Variants in COPG2 observed in about 807,000 individuals in gnomAD.
COPG2 encodes coatomer subunit gamma-2.
COPG2 carries 37 observed loss-of-function variants against 46.3 expected under a neutral mutation model. The ratio of observed to expected loss-of-function variants is 0.80; its 90% confidence interval spans 0.61 to 1.05. The LOEUF (loss-of-function observed/expected upper bound fraction) is 1.05. Among genes scored for constraint, COPG2 ranks in the 50% least tolerant of loss-of-function variants. COPG2 has a pLI of 0.00. For synonymous variants in COPG2, 159 were observed against 129.7 expected (o/e 1.23, Z -1.53); for missense variants, 427 against 387.8 (o/e 1.10, Z -0.85).
chr7:130,638,804 G>C (rs1795400374), intron 5 of COPG2, among the ~76,000 whole-genome samples: 1 of 152,118 alleles, frequency 6.6e-6, no homozygotes, highest in Admixed American at 6.5e-5. Context: ...AGCTAGCTCG[G>C]TGTCTGCCCA....
At chr7:130,646,262 T>C (rs1795592552) in intron 5 of COPG2, among the ~76,000 whole-genome samples, 1 of 152,250 alleles carries the variant, frequency 6.6e-6, no homozygotes, top group Non-Finnish European at 1.5e-5. Context: ...TACAAATTGA[T>C]GTAGATGGTC....
chr7:130,556,233 G>A (rs1278566786), intron 12 of COPG2, among the ~76,000 whole-genome samples: 1 of 151,814 alleles, frequency 6.6e-6, no homozygotes, highest in Non-Finnish European at 1.5e-5. Flanking sequence ...TTTACTTTTT[G>A]CTCCAGAGGG....
chr7:130,666,841 T>G lies in COPG2; in HGVS notation c.171+8A>C, dbSNP rs1554461491. 7.7e-7 allele frequency: 1 copy of G among 1,306,024 alleles called. No individual in the cohort carries two copies. The highest frequency in any genetic ancestry group is 1.1e-6 in the Non-Finnish European group (1 of 918,538). 80.9% of individuals were successfully genotyped at this position (1,306,024 alleles called of 1,614,324 possible). The stretch of plus-strand genomic sequence containing the variant: ...CACACTTATCTGAGGAAAATAAAAA[T>G]AATATACCTGGTTCAGTAAGTAAAG... On this transcript the variant is annotated splice_region_variant and intron_variant, in intron 3 of 23. Transcript: ENST00000425248.
In COPG2 at chr7:130,506,636, C is replaced by T. The variant is rs1554440071; in HGVS notation, c.*40G>A. ...TGCCACTAGCCTAAAAGCCCACTGA[C>T]CATGTAGTGTGCATCAGTTTCCTCT... On this transcript the variant is annotated 3_prime_UTR_variant, in exon 24 of 24. Coordinates refer to ENST00000425248, the MANE Select transcript of COPG2 (RefSeq NM_012133.6). The T allele has an allele frequency of 1.3e-6, 1 of 761,636 alleles. No individual in the cohort carries two copies. The allele number at this position is 761,636 out of a possible 1,614,324, so 47.2% of individuals were successfully genotyped here.
intron 7 of COPG2, among the ~76,000 whole-genome samples, chr7:130,612,982 C>T (rs781923060): frequency 5.3e-5 from 8 of 152,134 alleles, no homozygotes; most frequent in Admixed American, 1.3e-4. Context: ...ATTATGTGTA[C>T]AACATAACTT....
intron 14 of COPG2, among the ~76,000 whole-genome samples, chr7:130,553,605 G>T (rs907852549): frequency 6.6e-6 from 1 of 152,284 alleles, no homozygotes; most frequent in African/African-American, 2.4e-5. Flanking sequence ...AGTTTGAAGT[G>T]CTTTAAGTTA....
At chr7:130,566,335 G>A (rs1793802524) in intron 9 of COPG2, among the ~76,000 whole-genome samples, 1 of 152,212 alleles carries the variant, frequency 6.6e-6, no homozygotes, top group Non-Finnish European at 1.5e-5. Flanking sequence ...TGCTGGTGAG[G>A]TTGCAGAGAA....
intron 9 of COPG2, chr7:130,605,817 A>T (rs782697374): frequency 1.9e-6 from 1 of 518,584 alleles, no homozygotes; most frequent in Non-Finnish European, 3.9e-6. Flanking sequence ...TCAGACTTCT[A>T]ATCTACAGAT....
chr7:130,651,780 T>C (rs1795753111), intron 5 of COPG2, among the ~76,000 whole-genome samples: 1 of 151,400 alleles, frequency 6.6e-6, no homozygotes, highest in Non-Finnish European at 1.5e-5. Flanking sequence ...CCTCCCAAAG[T>C]GCTGGGATTA....
At chr7:130,571,547 A>G (rs536330791) in intron 9 of COPG2, among the ~76,000 whole-genome samples, 50 of 152,270 alleles carry the variant, frequency 3.3e-4, no homozygotes, top group Middle Eastern at 3.4e-3. Context: ...ATAAAAAGAT[A>G]GATGTTGGTG....
chr7:130,618,526 G>C (rs1554453217), intron 5 of COPG2, among the ~76,000 whole-genome samples: 2 of 152,084 alleles, frequency 1.3e-5, no homozygotes, highest in Non-Finnish European at 2.9e-5. Flanking sequence ...GACAGAATAA[G>C]TCTCTACTAT....
At chr7:130,583,700 G>A (rs1339213884) in intron 9 of COPG2, among the ~76,000 whole-genome samples, 1 of 149,004 alleles carries the variant, frequency 6.7e-6, no homozygotes, top group South Asian at 2.1e-4. Flanking sequence ...AGCTACTTGG[G>A]AGGCTGAGGC....
intron 4 of COPG2, among the ~76,000 whole-genome samples, chr7:130,662,055 A>G (rs966565981): frequency 6.6e-6 from 1 of 152,224 alleles, no homozygotes; most frequent in South Asian, 2.1e-4. Flanking sequence ...ATATATGGAC[A>G]GACTCTGATG....
At chr7:130,569,492 T>A (rs1793858283) in intron 9 of COPG2, among the ~76,000 whole-genome samples, 1 of 151,976 alleles carries the variant, frequency 6.6e-6, no homozygotes, top group East Asian at 1.9e-4. Flanking sequence ...ATACAAACCC[T>A]CCTAGATCAA....
At chr7:130,549,686 T>C (rs1031229446) in intron 17 of COPG2, among the ~76,000 whole-genome samples, 1 of 152,170 alleles carries the variant, frequency 6.6e-6, no homozygotes, top group Non-Finnish European at 1.5e-5. Flanking sequence ...ATGATCAAAA[T>C]AGGAAAAATT....
intron 5 of COPG2, among the ~76,000 whole-genome samples, chr7:130,652,605 T>A (rs1402077172): frequency 6.6e-6 from 1 of 152,242 alleles, no homozygotes; most frequent in Admixed American, 6.5e-5. Flanking sequence ...GTGCACGTTA[T>A]CTTTTACTTT....
rs1793710448 is a variant in COPG2, at chr7:130,561,018, T to C, written c.1128+15A>G. The C allele has an allele frequency of 1.8e-5, 7 of 398,566 alleles. No individual in the cohort carries two copies. In the South Asian group the frequency reaches 7.6e-4, roughly 43 times the overall value. The allele number at this position is 398,566 out of a possible 1,614,324, so 24.7% of individuals were successfully genotyped here. On this transcript the variant is annotated intron_variant, in intron 12 of 23. Coordinates refer to ENST00000425248, the MANE Select transcript of COPG2 (RefSeq NM_012133.6). ...AACAGACTGGGAGAAAATATGATCATGTTTAAACTCTTACCTTGAACTCAT... is the reference window on the plus strand; with the variant it reads ...AACAGACTGGGAGAAAATATGATCACGTTTAAACTCTTACCTTGAACTCAT...
chr7:130,540,982 T>C (rs1418693863), intron 20 of COPG2, among the ~76,000 whole-genome samples: 2 of 152,136 alleles, frequency 1.3e-5, no homozygotes, highest in Non-Finnish European at 2.9e-5. Context: ...ATGCTTCTGA[T>C]AGGCCGCCTT....
chr7:130,537,369 C>A (rs922472473), intron 20 of COPG2, among the ~76,000 whole-genome samples: 2 of 149,478 alleles, frequency 1.3e-5, no homozygotes, highest in Admixed American at 6.7e-5. Context: ...AGGACTGCAT[C>A]TGGTGGAGCA....
Sources: gnomAD v4.1 joint callset for allele counts (sites outside exome capture counted in the v4.1 genomes callset) on GRCh38, gnomAD v4.1.1 for gene constraint, MANE v1.5 for transcripts, NCBI Gene and HGNC (gene_info 2026-07-23, HGNC 2026-07-21) for gene names.